APBB1: variants seen among roughly 807,000 people sequenced by gnomAD.
The protein encoded by APBB1 is adaptor protein FE65a2.
Under a neutral mutation model 78.4 loss-of-function variants are expected in APBB1, and 22 were observed. That is an observed-to-expected ratio of 0.28 (90% CI 0.20 to 0.40). The LOEUF is 0.40. Among genes scored for constraint, APBB1 ranks in the 10% least tolerant of loss-of-function variants. The pLI is 1.00. For synonymous variants in APBB1, 369 were observed against 372.7 expected, an observed-to-expected ratio of 0.99 and a Z score of 0.12; for missense variants, 749 against 932.4, an observed-to-expected ratio of 0.80 and a Z score of 2.56.
intron 8 of APBB1, 25 bp from the exon 9 acceptor site, chr11:6,402,007 CA>C (rs1451681973): frequency 6.3e-7 from 1 of 1,589,444 alleles, no homozygotes; most frequent in Admixed American, 1.7e-5. Flanking sequence ...ACAAGAGAGG[CA>C]AATAACAGAG....
Position 6,403,659 on chromosome 11 carries a change from T to C in APBB1, c.885A>G (p.Gln295=). 2 of 1,608,948 alleles carry C rather than the reference T, an allele frequency of 1.2e-6. No homozygotes were observed. The highest frequency in any genetic ancestry group is 1.3e-5 in the African/African-American group (1 of 74,988). The change falls in exon 3 of 15, where the codon CAA becomes CAG. Residue 295 remains glutamine, a synonymous_variant. Transcript: ENST00000609360. This position sits in a 1 kb window ranked among gnomAD's most constrained non-coding sequence, Gnocchi z 5.3. ...CTGTGAGCCTCACCTGGGACTCCTC[T>C]TGGGGGCTGCTCCCCTGTGAGGGGG... ...RASPSQGSSP[Q]EESQLTWTGF... is the part of the protein sequence containing the mutation.
At chr11:6,413,790 G>A (rs562795527) in intron 1 of APBB1, among the ~76,000 whole-genome samples, 14 of 152,106 alleles carry the variant, frequency 9.2e-5, no homozygotes, top group Middle Eastern at 3.4e-3. Context: ...ACCTTTCTAC[G>A]TCTCTAGTTC....
Position 6,402,741 on chromosome 11 carries a change from G to A in APBB1, c.1105-16C>T, listed in dbSNP as rs369323672. ...CGGCGAAACACTGCCAGACACAGAA[G>A]AGGGGCAGGAGGTAGAGGATCTGAG... On this transcript the variant is annotated splice_polypyrimidine_tract_variant and intron_variant, in intron 6 of 14. Coordinates refer to ENST00000609360, the MANE Select transcript of APBB1 (RefSeq NM_001164.5). 1.5e-5 allele frequency: 25 copies of A among 1,613,774 alleles called. No individual in the cohort carries two copies. In the African/African-American group the frequency reaches 2.3e-4, roughly 15 times the overall value.
chr11:6,413,798 T>C (rs796467150), intron 1 of APBB1, among the ~76,000 whole-genome samples: 26 of 152,088 alleles, frequency 1.7e-4, no homozygotes, highest in Middle Eastern at 3.4e-3. Context: ...ACGTCTCTAG[T>C]TCCTCAGACA....
intron 1 of APBB1, among the ~76,000 whole-genome samples, chr11:6,413,929 C>G (rs1411013485): frequency 6.6e-6 from 1 of 152,156 alleles, no homozygotes; most frequent in Non-Finnish European, 1.5e-5. Context: ...AAACTCACAG[C>G]CACTGGAATA....
intron 2 of APBB1, chr11:6,405,270 C>T (rs758181318): frequency 2.7e-5 from 27 of 1,000,634 alleles, no homozygotes; most frequent in Admixed American, 1.6e-4. Flanking sequence ...TCAGGGATCC[C>T]GCCCCTGTCC....
At chr11:6,397,808 G>A (rs1848310045) in intron 12 of APBB1, among the ~76,000 whole-genome samples, 1 of 152,232 alleles carries the variant, frequency 6.6e-6, no homozygotes, top group South Asian at 2.1e-4. Context: ...GGGCTTATCT[G>A]CTGAAGAAAT....
intron 12 of APBB1, among the ~76,000 whole-genome samples, chr11:6,400,716 C>G (rs1393064798): frequency 6.6e-6 from 1 of 152,184 alleles, no homozygotes; most frequent in Non-Finnish European, 1.5e-5. Context: ...CCCACCAAAG[C>G]TTTTCCATGG....
In APBB1 at chr11:6,401,146, C is replaced by T. The variant is rs115801368; in HGVS notation, c.1589-74G>A. The T allele has an allele frequency of 1.3e-3, 2,125 of 1,613,878 alleles. 29 individuals carry two copies. In the African/African-American group the frequency reaches 0.024, roughly 18 times the overall value. Reference sequence around the variant, plus strand: ...CGCAGCCCCACCAGCAGGGCATAAGCTGGACACTTGCCCAGCCGAGGCCCT... The same window carrying T: ...CGCAGCCCCACCAGCAGGGCATAAGTTGGACACTTGCCCAGCCGAGGCCCT... On this transcript the variant is annotated intron_variant, in intron 11 of 14. Coordinates refer to ENST00000609360, the MANE Select transcript of APBB1 (RefSeq NM_001164.5). The surrounding 1 kb of genome is among the most constrained non-coding windows in gnomAD (Gnocchi z 4.5).
At chr11:6,412,918 C>G (rs776899183) in intron 1 of APBB1, among the ~76,000 whole-genome samples, 1 of 152,042 alleles carries the variant, frequency 6.6e-6, no homozygotes, top group East Asian at 1.9e-4. Context: ...CCCTCCAGAC[C>G]CCTCCCTCTG....
chr11:6,409,716 G>T (rs1848910769), intron 2 of APBB1, among the ~76,000 whole-genome samples: 1 of 146,372 alleles, frequency 6.8e-6, no homozygotes, highest in Non-Finnish European at 1.5e-5. Context: ...AAAACTCCAG[G>T]GTTTTGGTTG....
intron 2 of APBB1, chr11:6,405,329 G>A (rs1848755122): frequency 1.7e-5 from 17 of 987,128 alleles, no homozygotes; most frequent in Non-Finnish European, 2.0e-5. Context: ...GAGGTCCTGA[G>A]CCCCAGCAAG....
intron 1 of APBB1, among the ~76,000 whole-genome samples, chr11:6,414,582 C>T (rs1212994103): frequency 6.6e-6 from 1 of 152,068 alleles, no homozygotes; most frequent in Non-Finnish European, 1.5e-5. Context: ...GCTGTGTGGC[C>T]CAATGGGCTG....
At chr11:6,419,143 G>C (rs1849196791), upstream of APBB1, 1 of 357,772 alleles carries the variant, frequency 2.8e-6, no homozygotes, top group Non-Finnish European at 5.0e-6. Context: ...GGAGGGGGAG[G>C]GGCGCCATCT....
Position 6,401,081 on chromosome 11 carries a change from A to G in APBB1, c.1589-9T>C. ...AGGCGCTGGGAATTCCACTATGGGA[A>G]AGAAGAGAAGGTTGATCATGGTGGC... is the stretch of plus-strand genomic sequence containing the variant. On this transcript the variant is annotated splice_polypyrimidine_tract_variant and intron_variant, in intron 11 of 14. Coordinates refer to ENST00000609360, the MANE Select transcript of APBB1 (RefSeq NM_001164.5). The surrounding 1 kb of genome is among the most constrained non-coding windows in gnomAD (Gnocchi z 4.5). 1 of 1,614,104 alleles carries G rather than the reference A, an allele frequency of 6.2e-7. No homozygotes were observed. Among genetic ancestry groups the G allele is most frequent in the Non-Finnish European group, 8.5e-7 (1 of 1,180,016 alleles).
intron 1 of APBB1, among the ~76,000 whole-genome samples, chr11:6,415,808 AG>A (rs1460705548): frequency 6.6e-6 from 1 of 152,192 alleles, no homozygotes; most frequent in African/African-American, 2.4e-5. Flanking sequence ...ATGCCTTTCC[AG>A]GAATTTTATA....
intron 1 of APBB1, among the ~76,000 whole-genome samples, chr11:6,414,851 T>C (rs149474388): frequency 6.6e-6 from 1 of 152,194 alleles, no homozygotes; most frequent in Non-Finnish European, 1.5e-5. Context: ...TCTGAAGCAG[T>C]AGTGTACAGA....
intron 1 of APBB1, among the ~76,000 whole-genome samples, chr11:6,413,631 CT>C (rs202207870): frequency 0.033 from 4,779 of 145,774 alleles, 212 homozygotes; most frequent in African/African-American, 0.095. Context: ...TTTTGTAATT[CT>C]TTTTTTTTTT....
chr11:6,395,540 G>C lies in APBB1; in HGVS notation c.2127C>G (p.Thr709=), dbSNP rs1241295424. The C allele has an allele frequency of 6.4e-6, 10 of 1,556,958 alleles. No individual in the cohort carries two copies. Among genetic ancestry groups the C allele is most frequent in the Non-Finnish European group, 8.7e-6 (10 of 1,152,890 alleles). The change falls in exon 15 of 15, where the codon ACC becomes ACG. Residue 709 remains threonine, a synonymous_variant. Coordinates refer to ENST00000609360, the MANE Select transcript of APBB1 (RefSeq NM_001164.5). The surrounding 1 kb of genome is among the most constrained non-coding windows in gnomAD (Gnocchi z 5.2). ...SLKPKRLGAH[T]P ...AGGGAAGGTGGGGGCTTCTTCATGG[G>C]GTATGGGCCCCCAGCCGTTTGGGCT...
Sources: gnomAD v4.1 joint callset for allele counts (sites outside exome capture counted in the v4.1 genomes callset) on GRCh38, gnomAD v4.1.1 for gene constraint, Gnocchi (gnomAD v3.1) non-coding constraint, MANE v1.5 for transcripts, NCBI Gene and HGNC (gene_info 2026-07-23, HGNC 2026-07-21) for gene names.